CCDC102B: variants seen among roughly 807,000 people sequenced by gnomAD.
CCDC102B encodes coiled-coil domain containing 102B, also known as coiled-coil domain-containing protein 102B.
In CCDC102B, 75 loss-of-function variants were observed where a neutral mutation model predicts 57.4. That is an observed-to-expected ratio of 1.31 (90% CI 1.08 to 1.58). The LOEUF is 1.58. CCDC102B is among the 40% of genes most tolerant of loss of function. The pLI is 0.00. For synonymous variants in CCDC102B, 206 were observed against 201.9 expected (o/e 1.02, Z -0.17); for missense variants, 636 against 582.6 (o/e 1.09, Z -0.94).
chr18:68,791,051 A>G (rs1034854771), intron 2 of CCDC102B, among the ~76,000 whole-genome samples: 1 of 152,254 alleles, frequency 6.6e-6, no homozygotes, highest in Non-Finnish European at 1.5e-5. Context: ...TACTATGTAG[A>G]GAAAATTAAT....
chr18:69,052,781 A>T (rs576292218), intron 7 of CCDC102B, among the ~76,000 whole-genome samples: 1 of 151,894 alleles, frequency 6.6e-6, no homozygotes, highest in Non-Finnish European at 1.5e-5. Context: ...TCAACCACTA[A>T]TCAAAAATAT....
intron 6 of CCDC102B, among the ~76,000 whole-genome samples, chr18:68,982,878 A>G (rs567370206): frequency 7.2e-5 from 11 of 151,934 alleles, no homozygotes; most frequent in Non-Finnish European, 1.3e-4. Flanking sequence ...TTAATAACAT[A>G]CTTATTAATC....
Position 68,874,783 on chromosome 18 carries a change from G to C in CCDC102B, c.1051G>C (p.Glu351Gln). ...CAGAGTGATTTGTGAGTTAAGAGCA[G>C]AGGTAAGACACTGGGTAAAGAGTAC... ...KDRVICELRA[E>Q]LERLQAENTS... is the part of the protein sequence containing the mutation. The change falls in exon 5 of 8, where the codon GAG (glutamate) becomes CAG (glutamine). Residue 351 changes from glutamate to glutamine, a missense_variant and splice_region_variant. Coordinates refer to ENST00000360242, the MANE Select transcript of CCDC102B (RefSeq NM_024781.3). The C allele has an allele frequency of 6.4e-7, 1 of 1,554,458 alleles. No individual in the cohort carries two copies. Among genetic ancestry groups the C allele is most frequent in the Non-Finnish European group, 8.9e-7 (1 of 1,126,578 alleles).
intron 6 of CCDC102B, among the ~76,000 whole-genome samples, chr18:68,898,480 A>C (rs2040320771): frequency 6.6e-6 from 1 of 152,108 alleles, no homozygotes; most frequent in Non-Finnish European, 1.5e-5. Context: ...TTCATAAACT[A>C]TCCATAATAA....
chr18:68,827,555 CA>C (rs1397112199), intron 1 of CCDC102B, among the ~76,000 whole-genome samples: 1 of 151,820 alleles, frequency 6.6e-6, no homozygotes, highest in Admixed American at 6.6e-5. Context: ...ATTCAAATAA[CA>C]AGCAAGAAAG....
chr18:69,047,028 G>A (rs986510026), intron 7 of CCDC102B, among the ~76,000 whole-genome samples: 2 of 152,118 alleles, frequency 1.3e-5, no homozygotes, highest in Admixed American at 1.3e-4. Flanking sequence ...GTTGGGTAAT[G>A]TGATGCCTCC....
chr18:68,872,610 C>T (rs2039283202), intron 4 of CCDC102B, among the ~76,000 whole-genome samples: 1 of 151,896 alleles, frequency 6.6e-6, no homozygotes, highest in Admixed American at 6.6e-5. Context: ...TCCATTTCCA[C>T]CATTATTCTG....
intron 6 of CCDC102B, among the ~76,000 whole-genome samples, chr18:68,912,262 T>C (rs1306822611): frequency 1.4e-4 from 21 of 152,230 alleles, no homozygotes; most frequent in African/African-American, 5.1e-4. Flanking sequence ...TCTTGATGTA[T>C]TTTGATAATC....
intron 2 of CCDC102B, among the ~76,000 whole-genome samples, chr18:68,749,732 T>A (rs2145242156): frequency 6.6e-6 from 1 of 152,278 alleles, no homozygotes; most frequent in East Asian, 1.9e-4. Flanking sequence ...ACAGCGACAA[T>A]TTGACTTCCT....
intron 5 of CCDC102B, among the ~76,000 whole-genome samples, chr18:68,888,134 A>G (rs1364844439): frequency 1.3e-5 from 2 of 152,228 alleles, no homozygotes; most frequent in African/African-American, 4.8e-5. Context: ...AAAGTTAAAA[A>G]TATACTTTTT....
At chr18:68,985,383 CAT>C (rs2050698318) in intron 6 of CCDC102B, among the ~76,000 whole-genome samples, 1 of 152,102 alleles carries the variant, frequency 6.6e-6, no homozygotes, top group African/African-American at 2.4e-5. Flanking sequence ...CCACTACTCT[CAT>C]AAAACGTACA....
chr18:68,765,346 AAAG>A (rs1400434772), intron 2 of CCDC102B, among the ~76,000 whole-genome samples: 1 of 143,056 alleles, frequency 7.0e-6, no homozygotes, highest in Non-Finnish European at 1.5e-5. Flanking sequence ...AGAAAGAAAG[AAAG>A]AAAGAAAGAA....
At chr18:68,906,175 G>A (rs2040635917) in intron 6 of CCDC102B, among the ~76,000 whole-genome samples, 1 of 152,042 alleles carries the variant, frequency 6.6e-6, no homozygotes, top group African/African-American at 2.4e-5. Context: ...CACCTTTTTG[G>A]GTACTTCATT....
chr18:68,899,705 G>T (rs2040370575), intron 6 of CCDC102B: 1 of 152,096 alleles, frequency 6.6e-6, no homozygotes, highest in African/African-American at 2.4e-5. Context: ...TAAAAAATAT[G>T]TTAGGTTTTA....
chr18:68,765,357 G>GAA (rs1298874655), intron 2 of CCDC102B, among the ~76,000 whole-genome samples: 1 of 120,922 alleles, frequency 8.3e-6, no homozygotes, highest in Non-Finnish European at 1.7e-5. Context: ...AAGAAAGAAA[G>GAA]AAAGAAAGAA....
intron 2 of CCDC102B, among the ~76,000 whole-genome samples, chr18:68,781,801 A>T (rs191762334): frequency 8.2e-4 from 125 of 152,104 alleles, no homozygotes; most frequent in African/African-American, 2.2e-3. Flanking sequence ...AGTATTTAAA[A>T]TTTTTTTTAT....
chr18:68,766,042 G>T (rs893121725), intron 2 of CCDC102B, among the ~76,000 whole-genome samples: 2 of 152,052 alleles, frequency 1.3e-5, no homozygotes, highest in Non-Finnish European at 2.9e-5. Context: ...ATTCATAGGA[G>T]ATAAGAATTA....
intron 7 of CCDC102B, among the ~76,000 whole-genome samples, chr18:69,046,784 G>C (rs755679648): frequency 2.0e-5 from 3 of 152,102 alleles, no homozygotes; most frequent in South Asian, 2.1e-4. Context: ...ATGGTATAAA[G>C]AAGGGGTCCA....
At chr18:68,896,090 CT>C (rs2040231720) in intron 5 of CCDC102B, among the ~76,000 whole-genome samples, 1 of 151,898 alleles carries the variant, frequency 6.6e-6, no homozygotes, top group Non-Finnish European at 1.5e-5. Flanking sequence ...CCTGACTAAG[CT>C]TATCCAGAGA....
Sources: allele counts gnomAD v4.1 joint callset (sites outside exome capture counted in the v4.1 genomes callset), GRCh38; gene constraint gnomAD v4.1.1; transcripts MANE v1.5; gene names NCBI Gene and HGNC (gene_info 2026-07-23, HGNC 2026-07-21).